Variants in SYNGR3 observed in about 807,000 individuals in gnomAD.
The protein encoded by SYNGR3 is synaptogyrin 3, also known as synaptogyrin-3.
In SYNGR3, 10 loss-of-function variants were observed where a neutral mutation model predicts 18.5. The observed-to-expected ratio is 0.54, with a 90% CI of 0.33 to 0.92. SYNGR3 has a LOEUF of 0.92. Ranked by LOEUF, SYNGR3 falls within the 40% of genes least tolerant of loss-of-function variation. The pLI is 0.02. For synonymous variants in SYNGR3, 188 were observed against 157.2 expected (o/e 1.20, Z -1.47); for missense variants, 335 against 332.8 (o/e 1.01, Z -0.05).
chr16:1,992,794 G>A lies in SYNGR3; in HGVS notation c.480+16G>A, dbSNP rs1418607882. 1 of 1,522,324 alleles carries A rather than the reference G, an allele frequency of 6.6e-7. No individual in the cohort carries two copies. Among genetic ancestry groups the A allele is most frequent in the Non-Finnish European group, 8.8e-7 (1 of 1,139,960 alleles). 94.3% of individuals were successfully genotyped at this position (1,522,324 alleles called of 1,614,324 possible). ...CCTCAGCTGGGTGAGTGCGGGGCCC[G>A]GGAGGGCGGGGCGAAGGGGCGGGCG... On this transcript the variant is annotated intron_variant, in intron 3 of 3. Transcript: ENST00000248121.
intron 1 of SYNGR3, 183 bp from the exon 2 acceptor site, chr16:1,991,791 C>T: frequency 1.7e-6 from 1 of 575,774 alleles, no homozygotes. Context: ...TAGATGCTCA[C>T]TAAACGGCCC....
intron 2 of SYNGR3, 116 bp downstream of exon 2, chr16:1,992,327 C>T: frequency 4.2e-6 from 1 of 237,756 alleles, no homozygotes; most frequent in Non-Finnish European, 5.4e-6. Flanking sequence ...TGACGAGGGG[C>T]GGGGACTGAG....
At position 1,993,328 on chromosome 16, in the gene SYNGR3, C is replaced by G; in HGVS notation, c.*256C>G. 1.6e-6 allele frequency: 1 copy of G among 636,436 alleles called. No individual in the cohort carries two copies. Among genetic ancestry groups the G allele is most frequent in the East Asian group, 2.8e-5 (1 of 35,340 alleles). 39.4% of individuals were successfully genotyped at this position (636,436 alleles called of 1,614,324 possible). On this transcript the variant is annotated 3_prime_UTR_variant, in exon 4 of 4. Transcript: ENST00000248121. The stretch of plus-strand genomic sequence containing the variant: ...CACTGCCCAGGACGTGTGTCCCTAG[C>G]CTGGAATGGACTGGCCTGGGGAAGG...
rs780719847 is a variant in SYNGR3, at chr16:1,992,863, G to T, written c.481G>T (p.Val161Leu). Reference protein sequence around the residue: ...AFSFFSILSWVALTVKALQRF... With the variant: ...AFSFFSILSWLALTVKALQRF... ...ACCCCGCTGACCCCGCCCCGCGCAGGTGGCGCTCACCGTGAAGGCCCTGCA... is the reference window on the plus strand; with the variant it reads ...ACCCCGCTGACCCCGCCCCGCGCAGTTGGCGCTCACCGTGAAGGCCCTGCA... The change falls in exon 4 of 4, where the codon GTG becomes TTG. Residue 161 changes from valine (V) to leucine (L), a missense_variant and splice_region_variant. Transcript: ENST00000248121. 6.4e-7 allele frequency: 1 copy of T among 1,562,968 alleles called. No homozygotes were observed. The highest frequency in any genetic ancestry group is 8.7e-7 in the Non-Finnish European group (1 of 1,154,554).
At chr16:1,992,344 A>G in intron 2 of SYNGR3, 133 bp downstream of exon 2, 1 of 154,390 alleles carries the variant, frequency 6.5e-6, no homozygotes, top group Non-Finnish European at 9.5e-6. Flanking sequence ...TGAGGCAGGG[A>G]GTGTCAATGG....
intron 1 of SYNGR3, chr16:1,990,474 G>T: frequency 1.8e-6 from 1 of 550,556 alleles, no homozygotes. Flanking sequence ...TCCTCCCCGG[G>T]TCTAATTTCA....
intron 1 of SYNGR3, 117 bp from the exon 2 acceptor site, chr16:1,991,857 G>A: frequency 2.4e-6 from 2 of 840,042 alleles, no homozygotes; most frequent in African/African-American, 1.8e-5. Flanking sequence ...AGGTGACACC[G>A]CCCCCCACCC....
In SYNGR3 at chr16:1,993,167, C is replaced by G; in HGVS notation, c.*95C>G. 1 of 1,444,526 alleles carries G rather than the reference C, an allele frequency of 6.9e-7. No individual in the cohort carries two copies. The highest frequency in any genetic ancestry group is 1.2e-5 in the South Asian group (1 of 80,590). The allele number at this position is 1,444,526 out of a possible 1,614,324, so 89.5% of individuals were successfully genotyped here. On this transcript the variant is annotated 3_prime_UTR_variant, in exon 4 of 4. Transcript: ENST00000248121. ...CCCTTGGGTCCTTCCAGCTCAGTGC[C>G]GCGGACAGAGTAGGTGGCCGCTTTG...
intron 2 of SYNGR3, 180 bp from the exon 3 acceptor site, chr16:1,992,456 C>T: frequency 1.1e-6 from 1 of 886,568 alleles, no homozygotes; most frequent in Non-Finnish European, 1.6e-6. Flanking sequence ...GGGCGCGGAA[C>T]GGGTCTGGCG....
Position 1,993,228 on chromosome 16 carries a change from T to C in SYNGR3, c.*156T>C. 1.1e-6 allele frequency: 1 copy of C among 946,784 alleles called. No homozygotes were observed. Among genetic ancestry groups the C allele is most frequent in the Non-Finnish European group, 1.6e-6 (1 of 642,428 alleles). The allele number at this position is 946,784 out of a possible 1,614,324, so 58.6% of individuals were successfully genotyped here. ...GGCCAAGAGGGGGTGGACCCGCGTG[T>C]CTGGGCTGCCCCTGCCAAGTTCCCC... On this transcript the variant is annotated 3_prime_UTR_variant, in exon 4 of 4. Coordinates refer to ENST00000248121, the MANE Select transcript of SYNGR3 (RefSeq NM_004209.6).
At chr16:1,991,841 A>G (rs1272136287) in intron 1 of SYNGR3, 133 bp from the exon 2 acceptor site, 1 of 707,752 alleles carries the variant, frequency 1.4e-6, no homozygotes, top group Non-Finnish European at 2.2e-6. Context: ...GGTTCGGGAA[A>G]GAAAGAGGTG....
chr16:1,992,249 CGGGTGGGCGG>C, intron 2 of SYNGR3, 38 bp downstream of exon 2: 1 of 28,448 alleles, frequency 3.5e-5, no homozygotes, highest in Non-Finnish European at 6.0e-5. Flanking sequence ...GAGAGCCTTC[CGGGTGGGCGG>C]GGAGGGGGCG....
chr16:1,993,156 C>T lies in SYNGR3; in HGVS notation c.*84C>T. Reference sequence around the variant, plus strand: ...CTCCGGGACCTCCCTTGGGTCCTTCCAGCTCAGTGCCGCGGACAGAGTAGG... The same window carrying T: ...CTCCGGGACCTCCCTTGGGTCCTTCTAGCTCAGTGCCGCGGACAGAGTAGG... On this transcript the variant is annotated 3_prime_UTR_variant, in exon 4 of 4. Coordinates refer to ENST00000248121, the MANE Select transcript of SYNGR3 (RefSeq NM_004209.6). 1.4e-6 allele frequency: 2 copies of T among 1,478,912 alleles called. No homozygotes were observed. Among genetic ancestry groups the T allele is most frequent in the East Asian group, 2.5e-5 (1 of 40,466 alleles). The allele number at this position is 1,478,912 out of a possible 1,614,324, so 91.6% of individuals were successfully genotyped here.
chr16:1,994,177 CT>C lies in SYNGR3; in HGVS notation c.*1106del, dbSNP rs1211780732. 7 of 154,086 alleles carry C rather than the reference CT, an allele frequency of 4.5e-5. No individual in the cohort carries two copies. Among genetic ancestry groups the C allele is most frequent in the African/African-American group, 1.7e-4 (7 of 41,462 alleles). 9.5% of individuals were successfully genotyped at this position (154,086 alleles called of 1,614,324 possible). ...GTTTACAATTTTTGTATATATCACT[CT>C]CTCCCTCTCCTGAAAGACCAGAGAT... On this transcript the variant is annotated 3_prime_UTR_variant, in exon 4 of 4. Coordinates refer to ENST00000248121, the MANE Select transcript of SYNGR3 (RefSeq NM_004209.6).
chr16:1,991,919 G>A, intron 1 of SYNGR3, 55 bp from the exon 2 acceptor site: 1 of 1,492,604 alleles, frequency 6.7e-7, no homozygotes, highest in Non-Finnish European at 9.0e-7. Context: ...GGCGCTCGAG[G>A]CGGGCTCGCA....
rs930800161 is a variant in SYNGR3 at position 1,991,951 on chromosome 16, C to T, written c.100-23C>T. The T allele has an allele frequency of 5.7e-6, 9 of 1,577,866 alleles. No homozygotes were observed. The African/African-American group carries it at 1.1e-4, about 19-fold the overall frequency. ...CGCAGAGGTCGGGTCGCCGCAGGGC[C>T]CTGAGCGCCGCGCCGCACGCAGGTG... On this transcript the variant is annotated intron_variant, in intron 1 of 3. Coordinates refer to ENST00000248121, the MANE Select transcript of SYNGR3 (RefSeq NM_004209.6).
At position 1,990,170 on chromosome 16, in the gene SYNGR3, G is replaced by T. The variant is rs1382308370; in HGVS notation, c.68G>T (p.Arg23Leu). Residue 23 changes from arginine (R) to leucine (L), a missense_variant, in exon 1 of 4, where the codon CGG becomes CTG. By Grantham distance (102) the Arg-to-Leu change is moderately radical (BLOSUM62 -2). Transcript: ENST00000248121. The part of the protein sequence containing the change: ...AALDPVSFAR[R>L]PQTLLRVASW... ...CTGGACCCCGTGAGCTTTGCGCGGC[G>T]GCCCCAGACCCTGCTCCGGGTCGCG... 4 of 1,262,370 alleles carry T rather than the reference G, an allele frequency of 3.2e-6. No individual in the cohort carries two copies. The highest frequency in any genetic ancestry group is 4.0e-6 in the Non-Finnish European group (4 of 1,001,726). 78.2% of individuals were successfully genotyped at this position (1,262,370 alleles called of 1,614,324 possible).
chr16:1,991,634 C>T, intron 1 of SYNGR3: 1 of 290,656 alleles, frequency 3.4e-6, no homozygotes, highest in South Asian at 4.6e-5. Context: ...CCATGTGATC[C>T]CGGACAAGTC....
intron 1 of SYNGR3, among the ~76,000 whole-genome samples, chr16:1,990,862 C>T: frequency 6.6e-6 from 1 of 152,230 alleles, no homozygotes; most frequent in East Asian, 1.9e-4. Flanking sequence ...CTGGGCCAGC[C>T]GCACCTCGGC....
Sources: allele counts gnomAD v4.1 joint callset (sites outside exome capture counted in the v4.1 genomes callset), GRCh38; gene constraint gnomAD v4.1.1; transcripts MANE v1.5; gene names NCBI Gene and HGNC (gene_info 2026-07-23, HGNC 2026-07-21).